The following DOCK1 variants were observed in gnomAD, a reference collection of about 807,000 sequenced individuals.
The protein encoded by DOCK1 is dedicator of cytokinesis 1.
A neutral mutation model predicts 262.7 loss-of-function variants in DOCK1; 138 were observed. The ratio of observed to expected loss-of-function variants is 0.53; its 90% CI spans 0.46 to 0.61. DOCK1 has a LOEUF of 0.61. Ranked by LOEUF, DOCK1 falls within the 20% of genes least tolerant of loss-of-function variation. DOCK1 has a pLI of 0.00. For synonymous variants in DOCK1, 866 were observed against 867.4 expected, an observed-to-expected ratio of 1.00 and a Z score of 0.03; for missense variants, 1,908 against 2,370.7, an observed-to-expected ratio of 0.80 and a Z score of 4.05.
chr10:127,185,415 A>T (rs570351379), intron 27 of DOCK1, among the ~76,000 whole-genome samples: 35 of 152,194 alleles, frequency 2.3e-4, no homozygotes, highest in Non-Finnish European at 4.0e-4. Flanking sequence ...AATCCCAGCT[A>T]CTTGGGAGGC....
At chr10:127,076,095 G>C (rs1044322521) in intron 23 of DOCK1, among the ~76,000 whole-genome samples, 8 of 152,210 alleles carry the variant, frequency 5.3e-5, no homozygotes, top group Non-Finnish European at 1.0e-4. Flanking sequence ...TTCTTACACA[G>C]AGGGGTGCAA....
At chr10:127,340,852 TCTC>T (rs1480712494) in intron 30 of DOCK1, among the ~76,000 whole-genome samples, 2 of 152,228 alleles carry the variant, frequency 1.3e-5, no homozygotes, top group African/African-American at 4.8e-5. Flanking sequence ...GATCATTTCT[TCTC>T]CTAACATTCG....
In DOCK1 at chr10:127,042,989, C is replaced by T. The variant is rs1457386261; in HGVS notation, c.2101-75C>T. ...TGGTTCATATCCTAACACAGGGGTGCAGATGGTTCTGATGAAGATTATAAA... is the reference window on the plus strand; with the variant it reads ...TGGTTCATATCCTAACACAGGGGTGTAGATGGTTCTGATGAAGATTATAAA... On this transcript the variant is annotated intron_variant, in intron 20 of 51. Coordinates refer to ENST00000623213, the MANE Select transcript of DOCK1 (RefSeq NM_001290223.2). The T allele has an allele frequency of 1.2e-5, 14 of 1,165,596 alleles. No homozygotes were observed. In the South Asian group the frequency reaches 1.8e-4, roughly 15 times the overall value. 72.2% of individuals were successfully genotyped at this position (1,165,596 alleles called of 1,614,324 possible).
chr10:126,906,085 C>G (rs1429466746), intron 1 of DOCK1, among the ~76,000 whole-genome samples: 1 of 152,184 alleles, frequency 6.6e-6, no homozygotes, highest in African/African-American at 2.4e-5. Flanking sequence ...GGGGCGCGAC[C>G]TGGGTGGCCA....
intron 25 of DOCK1, among the ~76,000 whole-genome samples, chr10:127,124,233 A>T (rs2049802032): frequency 6.6e-6 from 1 of 152,256 alleles, no homozygotes; most frequent in Admixed American, 6.5e-5. Context: ...TATATAAAAG[A>T]AACATTAATG....
At chr10:127,051,570 G>A (rs573850084) in intron 21 of DOCK1, among the ~76,000 whole-genome samples, 7 of 151,970 alleles carry the variant, frequency 4.6e-5, no homozygotes, top group Non-Finnish European at 7.4e-5. Context: ...AAAATTCACC[G>A]AATCATTTTA....
At chr10:127,036,043 T>TAAATAAATAAATAAATAAAA (rs1554870785) in intron 18 of DOCK1, among the ~76,000 whole-genome samples, 10 of 147,658 alleles carry the variant, frequency 6.8e-5, no homozygotes, top group South Asian at 4.3e-4. Flanking sequence ...AATAAATAAA[T>TAAATAAATAAATAAATAAAA]AAAAAAGAGT....
At chr10:127,322,187 CTTTT>C (rs201505491) in intron 29 of DOCK1, among the ~76,000 whole-genome samples, 73,642 of 146,122 alleles carry the variant, frequency 0.5, 18,521 homozygotes, top group African/African-American at 0.6. Flanking sequence ...TATAATTTCC[CTTTT>C]TTTTTTTTTT....
chr10:127,036,035 TAAA>T (rs1310178077), intron 18 of DOCK1, among the ~76,000 whole-genome samples: 1 of 149,372 alleles, frequency 6.7e-6, no homozygotes, highest in Non-Finnish European at 1.5e-5. Flanking sequence ...AATAAATAAA[TAAA>T]TAAATAAAAA....
chr10:127,391,096 G>A (rs1056584628), intron 38 of DOCK1, among the ~76,000 whole-genome samples: 4 of 152,186 alleles, frequency 2.6e-5, no homozygotes, highest in African/African-American at 4.8e-5. Flanking sequence ...TAGACTACAG[G>A]AATATTTAAA....
chr10:127,117,237 A>G (rs1004253360), intron 25 of DOCK1, among the ~76,000 whole-genome samples: 2 of 152,196 alleles, frequency 1.3e-5, no homozygotes, highest in Non-Finnish European at 2.9e-5. Context: ...AGAGTCATCT[A>G]CTTAAAAATG....
intron 28 of DOCK1, among the ~76,000 whole-genome samples, chr10:127,251,312 G>T (rs1056620335): frequency 1.3e-5 from 2 of 151,968 alleles, no homozygotes; most frequent in African/African-American, 4.8e-5. Flanking sequence ...AGATTATTTT[G>T]TACAGAATTA....
In DOCK1 at chr10:127,017,536, G is replaced by GACAGAGACACAC. The variant is rs1207906597; in HGVS notation, c.1202-1171_1202-1170insGAGACACACACA. On this transcript the variant is annotated intron_variant, in intron 12 of 51. Coordinates refer to ENST00000623213, the MANE Select transcript of DOCK1 (RefSeq NM_001290223.2). ...ACACACACGTGTACAGACACACATGGACACACAGACACACACACACACATG... is the reference window on the plus strand; with the variant it reads ...ACACACACGTGTACAGACACACATGGACAGAGACACACACACACAGACACACACACACACATG... Among the ~76,000 whole-genome samples, 178 of 123,568 alleles carry GACAGAGACACAC rather than the reference G, an allele frequency of 1.4e-3. 1 individual carries two copies. In the South Asian group the frequency reaches 0.019, roughly 13 times the overall value. 81.1% of individuals were successfully genotyped at this position (123,568 alleles called of 152,430 possible).
At chr10:127,004,562 A>G (rs1300376400) in intron 10 of DOCK1, among the ~76,000 whole-genome samples, 1 of 151,890 alleles carries the variant, frequency 6.6e-6, no homozygotes, top group Non-Finnish European at 1.5e-5. Context: ...GCCTGACAAC[A>G]TGGCAAAACC....
chr10:127,119,405 C>G (rs2049399598), intron 25 of DOCK1, among the ~76,000 whole-genome samples: 1 of 152,148 alleles, frequency 6.6e-6, no homozygotes, highest in African/African-American at 2.4e-5. Context: ...CCTGAAGGTC[C>G]CTTCACTCAG....
intron 1 of DOCK1, among the ~76,000 whole-genome samples, chr10:126,965,793 T>C (rs983961468): frequency 6.6e-6 from 1 of 152,204 alleles, no homozygotes; most frequent in East Asian, 1.9e-4. Context: ...ATTTATGGGG[T>C]ACACCTTCAT....
chr10:127,354,608 C>T (rs1349805830), intron 31 of DOCK1, 61 bp from the exon 32 acceptor site: 6 of 1,598,498 alleles, frequency 3.8e-6, no homozygotes, highest in South Asian at 3.3e-5. Flanking sequence ...AAAATAATTC[C>T]AGTCCGATTT....
In DOCK1 at chr10:127,023,240, A is replaced by G; in HGVS notation, c.1368A>G (p.Gly456=). The stretch of plus-strand genomic sequence containing the variant: ...ATATCTATGTAACATTAGTTCAAGG[A>G]GATTTTGATAAAGGAAGCAAAACAA... The part of the protein sequence containing the change: ...RNDIYVTLVQ[G]DFDKGSKTTA... The change falls in exon 14 of 52, where the codon GGA becomes GGG. Residue 456 remains glycine (G), a synonymous_variant. Coordinates refer to ENST00000623213, the MANE Select transcript of DOCK1 (RefSeq NM_001290223.2). 1 of 1,613,974 alleles carries G rather than the reference A, an allele frequency of 6.2e-7. No homozygotes were observed.
intron 29 of DOCK1, among the ~76,000 whole-genome samples, chr10:127,337,223 G>A (rs2063240117): frequency 6.6e-6 from 1 of 152,054 alleles, no homozygotes; most frequent in African/African-American, 2.4e-5. Context: ...GTGATCTCTG[G>A]GGTTGCTGCA....
Sources: allele counts gnomAD v4.1 joint callset (sites outside exome capture counted in the v4.1 genomes callset), GRCh38; gene constraint gnomAD v4.1.1; transcripts MANE v1.5; gene names NCBI Gene and HGNC (gene_info 2026-07-23, HGNC 2026-07-21).